The following NPY2R variants were observed in gnomAD, a reference collection of about 807,000 sequenced individuals.
NPY2R encodes neuropeptide Y receptor Y2.
Under a neutral mutation model 22.3 loss-of-function variants are expected in NPY2R, and 17 were observed. The observed-to-expected ratio is 0.76, with a 90% confidence interval of 0.52 to 1.14. The LOEUF is 1.14. Among genes scored for constraint, NPY2R ranks in the 50% most tolerant of loss-of-function variants. The pLI, the probability that NPY2R is intolerant of heterozygous loss-of-function variation, is 0.00. For synonymous variants in NPY2R, 209 were observed against 183.4 expected, an observed-to-expected ratio of 1.14 and a Z score of -1.13; for missense variants, 424 against 467.9, an observed-to-expected ratio of 0.91 and a Z score of 0.87.
chr4:155,176,830 C>A, the NPY2R span, among the ~76,000 whole-genome samples: 4 of 152,098 alleles, frequency 2.6e-5, no homozygotes, highest in Non-Finnish European at 5.9e-5. Context: ...AAAATGGTGC[C>A]TTGCTGCTGC....
chr4:155,211,906 G>A (rs1030578440), intron 1 of NPY2R, among the ~76,000 whole-genome samples: 10 of 152,324 alleles, frequency 6.6e-5, no homozygotes, highest in African/African-American at 2.4e-4. Context: ...ACTGCCAAGA[G>A]CAGAGAGGGA....
At chr4:155,204,209 A>G (rs1578894246), upstream of NPY2R, among the ~76,000 whole-genome samples, 1 of 152,234 alleles carries the variant, frequency 6.6e-6, no homozygotes, top group East Asian at 1.9e-4. Flanking sequence ...GGGGAAAAAA[A>G]AAAAAACGAA....
At chr4:155,176,180 TTTAG>T in the NPY2R span, among the ~76,000 whole-genome samples, 1 of 152,026 alleles carries the variant, frequency 6.6e-6, no homozygotes, top group African/African-American at 2.4e-5. Flanking sequence ...ACCCCCCAAT[TTTAG>T]TTGGTTGGTG....
chr4:155,175,038 A>C, the NPY2R span, among the ~76,000 whole-genome samples: 1 of 152,246 alleles, frequency 6.6e-6, no homozygotes, highest in East Asian at 1.9e-4. Context: ...GGGAAAAGAT[A>C]ATTCATTTGT....
intron 1 of NPY2R, among the ~76,000 whole-genome samples, chr4:155,210,711 G>A (rs1729386124): frequency 6.6e-6 from 1 of 152,162 alleles, no homozygotes; most frequent in Admixed American, 6.5e-5. Flanking sequence ...TTTATGCAGA[G>A]GGAGCAGGAA....
the NPY2R span, among the ~76,000 whole-genome samples, chr4:155,193,012 T>C: frequency 6.6e-6 from 1 of 151,826 alleles, no homozygotes; most frequent in Non-Finnish European, 1.5e-5. Context: ...TTTAAAAAAA[T>C]CTGGTGTTTG....
chr4:155,205,840 T>C (rs1292588744), upstream of NPY2R, among the ~76,000 whole-genome samples: 1 of 151,878 alleles, frequency 6.6e-6, no homozygotes, highest in Non-Finnish European at 1.5e-5. Flanking sequence ...TATCTATCTA[T>C]CTATCTATCT....
upstream of NPY2R, among the ~76,000 whole-genome samples, chr4:155,205,134 A>G (rs562367728): frequency 2.6e-5 from 4 of 152,306 alleles, no homozygotes; most frequent in Middle Eastern, 3.4e-3. Flanking sequence ...ACAACTCAAT[A>G]AAATTTAAAA....
chr4:155,194,976 C>G, the NPY2R span, among the ~76,000 whole-genome samples: 1 of 151,948 alleles, frequency 6.6e-6, no homozygotes, highest in African/African-American at 2.4e-5. Context: ...TTGTATTTCT[C>G]TAATGATCAG....
At chr4:155,198,549 A>C in the NPY2R span, among the ~76,000 whole-genome samples, 1 of 80,916 alleles carries the variant, frequency 1.2e-5, no homozygotes, top group African/African-American at 3.8e-5. Flanking sequence ...TCTTATATAA[A>C]TATAAATATA....
At chr4:155,188,798 G>A in the NPY2R span, among the ~76,000 whole-genome samples, 1 of 151,988 alleles carries the variant, frequency 6.6e-6, no homozygotes, top group African/African-American at 2.4e-5. Context: ...ACCTCAGATG[G>A]GACCCCATAT....
At chr4:155,213,266 C>A (rs1422348596) in intron 1 of NPY2R, among the ~76,000 whole-genome samples, 2 of 152,004 alleles carry the variant, frequency 1.3e-5, no homozygotes, top group African/African-American at 2.4e-5. Context: ...ACATTTGTAC[C>A]CCAAAAGCTA....
the NPY2R span, among the ~76,000 whole-genome samples, chr4:155,180,562 T>C: frequency 3.9e-5 from 6 of 152,156 alleles, no homozygotes; most frequent in Non-Finnish European, 2.9e-5. Flanking sequence ...GATTCTGTTA[T>C]TTTGTGATAA....
the NPY2R span, among the ~76,000 whole-genome samples, chr4:155,200,446 G>A: frequency 9.9e-5 from 15 of 152,214 alleles, no homozygotes; most frequent in South Asian, 2.1e-4. Context: ...ACAGTGTGAC[G>A]ATTCCTCAAG....
chr4:155,173,900 G>A, the NPY2R span: 1 of 151,820 alleles, frequency 6.6e-6, no homozygotes, highest in Non-Finnish European at 1.5e-5. Context: ...TATTTCTCCT[G>A]CAGTCTAAAT....
chr4:155,203,664 G>T (rs918329787), upstream of NPY2R, among the ~76,000 whole-genome samples: 1 of 152,126 alleles, frequency 6.6e-6, no homozygotes, highest in East Asian at 1.9e-4. Flanking sequence ...TAACCAAATG[G>T]CCATTAGGAT....
upstream of NPY2R, chr4:155,207,226 A>G (rs1343711856): frequency 1.3e-5 from 2 of 152,258 alleles, no homozygotes; most frequent in Non-Finnish European, 2.9e-5. Context: ...CCCTGAAGGA[A>G]CTGAAAATCC....
the NPY2R span, among the ~76,000 whole-genome samples, chr4:155,179,157 C>G: frequency 2.6e-3 from 401 of 152,190 alleles, 3 homozygotes; most frequent in East Asian, 0.056. Flanking sequence ...TTTCCAATGA[C>G]AACCCTGAGA....
At chr4:155,190,181 T>A in the NPY2R span, among the ~76,000 whole-genome samples, 2 of 152,028 alleles carry the variant, frequency 1.3e-5, no homozygotes, top group Non-Finnish European at 2.9e-5. Context: ...TAAAAATCCA[T>A]GTTTCAAGTT....
Sources: gnomAD v4.1 joint callset for allele counts (sites outside exome capture counted in the v4.1 genomes callset) on GRCh38, gnomAD v4.1.1 for gene constraint, MANE v1.5 for transcripts, NCBI Gene and HGNC (gene_info 2026-07-23, HGNC 2026-07-21) for gene names.